The following LNX1 variants were observed in gnomAD, a reference collection of about 807,000 sequenced individuals.
LNX1 encodes the protein E3 ubiquitin-protein ligase LNX.
Under a neutral mutation model 68.4 loss-of-function variants are expected in LNX1, and 54 were observed. That is an observed-to-expected ratio of 0.79 (90% confidence interval 0.63 to 0.99). The LOEUF (loss-of-function observed/expected upper bound fraction) is 0.99. LNX1 is among the 50% of genes least tolerant of loss of function. The pLI is 0.00. For missense variants in LNX1, 906 were observed against 926.4 expected, an observed-to-expected ratio of 0.98 and a Z score of 0.29; for synonymous variants, 336 against 350.0, an observed-to-expected ratio of 0.96 and a Z score of 0.45.
chr4:53,629,832 A>G (rs191372211), intron 1 of LNX1, among the ~76,000 whole-genome samples: 1 of 152,174 alleles, frequency 6.6e-6, no homozygotes, highest in Non-Finnish European at 1.5e-5. Flanking sequence ...TTTTTAAAAA[A>G]TATTGCAGGT....
intron 2 of LNX1, among the ~76,000 whole-genome samples, chr4:53,530,547 T>G (rs1727944244): frequency 1.3e-5 from 2 of 152,216 alleles, no homozygotes; most frequent in Admixed American, 1.3e-4. Context: ...AAGCTGATAG[T>G]AGGAGTATAA....
intron 1 of LNX1, among the ~76,000 whole-genome samples, chr4:53,645,010 G>A (rs114395204): frequency 0.018 from 2,724 of 152,264 alleles, 78 homozygotes; most frequent in African/African-American, 0.062. Context: ...CCAACAGCAG[G>A]AGAGTGAGCC....
At chr4:53,636,307 C>T (rs1002178999) in intron 1 of LNX1, among the ~76,000 whole-genome samples, 33 of 150,914 alleles carry the variant, frequency 2.2e-4, no homozygotes, top group African/African-American at 8.0e-4. Flanking sequence ...TAGCATGCAC[C>T]TCCTTCCACA....
chr4:53,586,634 C>T (rs1412986477), intron 1 of LNX1, among the ~76,000 whole-genome samples: 1 of 152,162 alleles, frequency 6.6e-6, no homozygotes, highest in Non-Finnish European at 1.5e-5. Context: ...TACTAGTCAG[C>T]CTACCATGCC....
intron 1 of LNX1, among the ~76,000 whole-genome samples, chr4:53,639,574 GCAAA>G (rs1235030364): frequency 6.6e-6 from 1 of 152,176 alleles, no homozygotes; most frequent in Non-Finnish European, 1.5e-5. Flanking sequence ...TGAAAATGGT[GCAAA>G]CAAAGGCTCA....
At chr4:53,642,749 G>A (rs1415115059) in intron 1 of LNX1, among the ~76,000 whole-genome samples, 1 of 152,172 alleles carries the variant, frequency 6.6e-6, no homozygotes, top group Admixed American at 6.5e-5. Flanking sequence ...CCTTTGGGTT[G>A]ACTATAGTCT....
intron 2 of LNX1, among the ~76,000 whole-genome samples, chr4:53,571,744 C>G (rs532074000): frequency 6.6e-6 from 1 of 152,136 alleles, no homozygotes; most frequent in Non-Finnish European, 1.5e-5. Flanking sequence ...TCACTTCACC[C>G]TCAACTCCCA....
chr4:53,588,773 C>T (rs1270990479), intron 1 of LNX1, among the ~76,000 whole-genome samples: 2 of 152,134 alleles, frequency 1.3e-5, no homozygotes, highest in South Asian at 2.1e-4. Flanking sequence ...AACAGTAGAA[C>T]CCACTGACCT....
chr4:53,606,080 C>T (rs1733221235), intron 2 of LNX1, among the ~76,000 whole-genome samples: 2 of 151,944 alleles, frequency 1.3e-5, no homozygotes, highest in African/African-American at 4.8e-5. Context: ...TAGCAGAAGA[C>T]AGGAAATAAT....
intron 2 of LNX1, among the ~76,000 whole-genome samples, chr4:53,565,808 C>A (rs1162116352): frequency 6.6e-6 from 1 of 151,054 alleles, no homozygotes; most frequent in African/African-American, 2.4e-5. Context: ...CTTAAAGGAG[C>A]TGATGGAGCT....
chr4:53,535,713 T>A (rs551920420), intron 2 of LNX1, among the ~76,000 whole-genome samples: 34 of 152,354 alleles, frequency 2.2e-4, no homozygotes, highest in African/African-American at 7.0e-4. Flanking sequence ...GCCAGCGCCT[T>A]ACATATGCCA....
chr4:53,641,070 G>A (rs1377497857), intron 1 of LNX1, among the ~76,000 whole-genome samples: 1 of 152,186 alleles, frequency 6.6e-6, no homozygotes, highest in African/African-American at 2.4e-5. Flanking sequence ...ACAGGCTACT[G>A]CTCTATGTGT....
intron 2 of LNX1, among the ~76,000 whole-genome samples, chr4:53,511,423 G>C (rs545157133): frequency 6.6e-4 from 100 of 152,182 alleles, no homozygotes; most frequent in Non-Finnish European, 1.2e-3. Context: ...CTTCCTTTCA[G>C]TTACTCTGAG....
intron 6 of LNX1, among the ~76,000 whole-genome samples, chr4:53,495,088 T>C (rs772367795): frequency 6.6e-6 from 1 of 152,192 alleles, no homozygotes; most frequent in African/African-American, 2.4e-5. Context: ...TGACTGTTAA[T>C]GTCAATAGCA....
At chr4:53,552,828 C>A (rs1171566703) in intron 2 of LNX1, among the ~76,000 whole-genome samples, 1,004 of 109,268 alleles carry the variant, frequency 9.2e-3, no homozygotes, top group South Asian at 0.011. Context: ...GACTCCATCT[C>A]AAAAAAAAAA....
At position 53,496,107 on chromosome 4, in the gene LNX1, C is replaced by G. The variant is rs756520285; in HGVS notation, c.1266G>C (p.Gln422His). 3.7e-6 allele frequency: 6 copies of G among 1,614,070 alleles called. No homozygotes were observed. The African/African-American group carries it at 5.3e-5, about 14-fold the overall frequency. Residue 422 changes from glutamine to histidine, a missense_variant, in exon 6 of 11, where the codon CAG becomes CAC. Coordinates refer to ENST00000263925, the MANE Select transcript of LNX1 (RefSeq NM_001126328.3). Reference sequence around the variant, plus strand: ...CTAACACACGGTCATTCTCCTCAAGCTGACCATGTCGATATGCCACACCGC... The same window carrying G: ...CTAACACACGGTCATTCTCCTCAAGGTGACCATGTCGATATGCCACACCGC... ...LDGGVAYRHG[Q>H]LEENDRVLAI...
chr4:53,573,544 C>T, intron 2 of LNX1, 79 bp downstream of exon 2: 1 of 929,768 alleles, frequency 1.1e-6, no homozygotes, highest in Non-Finnish European at 1.7e-6. Flanking sequence ...GTTGGAAGCC[C>T]TCAGGAGACT....
At chr4:53,513,473 G>T (rs1283866523) in intron 2 of LNX1, among the ~76,000 whole-genome samples, 3 of 152,018 alleles carry the variant, frequency 2.0e-5, no homozygotes, top group Non-Finnish European at 4.4e-5. Context: ...ATATCAAACT[G>T]CCCATTCCAT....
intron 2 of LNX1, among the ~76,000 whole-genome samples, chr4:53,535,682 G>A (rs1435219): frequency 0.44 from 66,543 of 152,116 alleles, 16,765 homozygotes; most frequent in Non-Finnish European, 0.56. Context: ...AGGGAAATGA[G>A]TTGAGTTTCT....
Sources: gnomAD v4.1 joint callset for allele counts (sites outside exome capture counted in the v4.1 genomes callset) on GRCh38, gnomAD v4.1.1 for gene constraint, MANE v1.5 for transcripts, NCBI Gene and HGNC (gene_info 2026-07-23, HGNC 2026-07-21) for gene names.